Variants in RABGAP1 observed in about 807,000 individuals in gnomAD.
RABGAP1 encodes RAB GTPase activating protein 1.
RABGAP1 carries 23 observed loss-of-function variants against 137.6 expected under a neutral mutation model. The ratio of observed to expected loss-of-function variants is 0.17; its 90% CI spans 0.12 to 0.24. The LOEUF (loss-of-function observed/expected upper bound fraction) is 0.24. Among genes scored for constraint, RABGAP1 ranks in the 10% least tolerant of loss-of-function variants. The pLI is 1.00. For missense variants in RABGAP1, 906 were observed against 1,275.8 expected (o/e 0.71, Z 4.42); for synonymous variants, 451 against 450.7 (o/e 1.00, Z -0.01).
At chr9:122,959,683 C>T (rs1834748077) in intron 2 of RABGAP1, among the ~76,000 whole-genome samples, 1 of 152,216 alleles carries the variant, frequency 6.6e-6, no homozygotes, top group South Asian at 2.1e-4. Context: ...GGTAACTCTT[C>T]TCCATATTGG....
At chr9:123,097,967 CTT>C (rs370364242) in intron 22 of RABGAP1, 122 bp downstream of exon 22, 1 of 747,544 alleles carries the variant, frequency 1.3e-6, no homozygotes, top group South Asian at 2.0e-5. Context: ...TTTCCAAAGA[CTT>C]TTTTTTTCCC....
chr9:123,009,469 A>G (rs1409573815), intron 10 of RABGAP1, among the ~76,000 whole-genome samples: 1 of 152,048 alleles, frequency 6.6e-6, no homozygotes, highest in African/African-American at 2.4e-5. Context: ...ATGTGTGTAT[A>G]TATATATTTT....
intron 13 of RABGAP1, among the ~76,000 whole-genome samples, chr9:123,064,122 A>G (rs1429322265): frequency 6.6e-6 from 1 of 151,942 alleles, no homozygotes; most frequent in Non-Finnish European, 1.5e-5. Context: ...CACTTTCTCA[A>G]CTTTTGAAGA....
In RABGAP1 at chr9:123,089,749, A is replaced by T; in HGVS notation, c.2425-9A>T. 5 of 1,605,012 alleles carry T rather than the reference A, an allele frequency of 3.1e-6. No individual in the cohort carries two copies. The highest frequency in any genetic ancestry group is 4.3e-6 in the Non-Finnish European group (5 of 1,173,300). On this transcript the variant is annotated splice_polypyrimidine_tract_variant and intron_variant, in intron 19 of 25. Transcript: ENST00000373647. ...TACTTCTTAATTTACCCTATGATTT[A>T]TCCTACAGATTAGTCAGAAGAAGTT... is the stretch of plus-strand genomic sequence containing the variant.
chr9:123,040,122 T>C (rs2032880192), intron 13 of RABGAP1, among the ~76,000 whole-genome samples: 1 of 152,130 alleles, frequency 6.6e-6, no homozygotes, highest in Non-Finnish European at 1.5e-5. Flanking sequence ...TAGAACTATA[T>C]AGTCTTTAGG....
At chr9:123,001,269 G>A (rs985783029) in intron 10 of RABGAP1, among the ~76,000 whole-genome samples, 1 of 152,086 alleles carries the variant, frequency 6.6e-6, no homozygotes, top group Non-Finnish European at 1.5e-5. Context: ...TTCTTAATCT[G>A]TCTTATTTGG....
chr9:123,098,309 C>T (rs1020763662), intron 22 of RABGAP1, among the ~76,000 whole-genome samples: 9 of 152,220 alleles, frequency 5.9e-5, no homozygotes, highest in East Asian at 3.8e-4. Flanking sequence ...TGTCACACCA[C>T]GGTCGTCCAG....
chr9:123,094,793 T>G (rs1437150709), intron 21 of RABGAP1, among the ~76,000 whole-genome samples: 1 of 152,204 alleles, frequency 6.6e-6, no homozygotes. Flanking sequence ...AATTGTGAAT[T>G]CTTTTTCTTT....
At position 123,070,346 on chromosome 9, in the gene RABGAP1, C is replaced by G; in HGVS notation, c.1909-4C>G. 1.9e-6 allele frequency: 3 copies of G among 1,613,844 alleles called. No homozygotes were observed. Among genetic ancestry groups the G allele is most frequent in the Non-Finnish European group, 2.5e-6 (3 of 1,179,884 alleles). ...ACATTTCCTCTGTGTGTTTTATTTT[C>G]CAGGCTTATTCTGTGTATGATGAAG... is the stretch of plus-strand genomic sequence containing the variant. On this transcript the variant is annotated splice_polypyrimidine_tract_variant and splice_region_variant and intron_variant, in intron 14 of 25. Transcript: ENST00000373647. This position sits in a 1 kb window ranked among gnomAD's most constrained non-coding sequence, Gnocchi z 4.4.
intron 2 of RABGAP1, among the ~76,000 whole-genome samples, chr9:122,977,509 C>T (rs576044835): frequency 6.6e-6 from 1 of 152,290 alleles, no homozygotes; most frequent in Admixed American, 6.5e-5. Context: ...TGAGACCAGC[C>T]TGGCCAACAT....
intron 13 of RABGAP1, among the ~76,000 whole-genome samples, chr9:123,027,936 T>G (rs1036056110): frequency 5.3e-5 from 8 of 152,224 alleles, no homozygotes; most frequent in African/African-American, 1.9e-4. Context: ...CTCTAAATTA[T>G]TACTTGTGAA....
At chr9:122,951,521 C>T (rs574781091) in intron 1 of RABGAP1, among the ~76,000 whole-genome samples, 1 of 152,070 alleles carries the variant, frequency 6.6e-6, no homozygotes, top group South Asian at 2.1e-4. Context: ...CAGTTCTTTC[C>T]ATTTCACTCT....
At chr9:122,991,739 A>T (rs1836734172) in intron 6 of RABGAP1, among the ~76,000 whole-genome samples, 1 of 151,770 alleles carries the variant, frequency 6.6e-6, no homozygotes, top group African/African-American at 2.4e-5. Flanking sequence ...AGTAGCTGGG[A>T]CCACGGATGC....
At chr9:123,053,876 TCAA>T (rs2033589747) in intron 13 of RABGAP1, among the ~76,000 whole-genome samples, 1 of 152,206 alleles carries the variant, frequency 6.6e-6, no homozygotes, top group African/African-American at 2.4e-5. Flanking sequence ...TTTCTATTTT[TCAA>T]CTTGAGTTTA....
At chr9:122,994,666 A>C (rs1836925173) in intron 6 of RABGAP1, among the ~76,000 whole-genome samples, 1 of 152,206 alleles carries the variant, frequency 6.6e-6, no homozygotes, top group Non-Finnish European at 1.5e-5. Context: ...TACGGTAGCT[A>C]CTAATGGTTC....
chr9:122,965,334 A>G (rs1835082278), intron 2 of RABGAP1, among the ~76,000 whole-genome samples: 1 of 152,154 alleles, frequency 6.6e-6, no homozygotes, highest in African/African-American at 2.4e-5. Context: ...TCTGGTGGGA[A>G]TAGAAAGGTG....
At chr9:123,029,633 T>C (rs2032187913) in intron 13 of RABGAP1, 10 of 725,788 alleles carry the variant, frequency 1.4e-5, no homozygotes, top group South Asian at 1.3e-4. Context: ...AGCTTGTCCC[T>C]AACTTTGCCT....
the RABGAP1 span, among the ~76,000 whole-genome samples, chr9:122,931,681 G>A: frequency 1.3e-5 from 2 of 152,222 alleles, no homozygotes; most frequent in African/African-American, 4.8e-5. Flanking sequence ...GCAGACGGAG[G>A]GCACCGTACT....
rs780398097 is a variant in RABGAP1 at position 123,076,616 on chromosome 9, G to A, written c.2296-18G>A. 1 of 1,581,938 alleles carries A rather than the reference G, an allele frequency of 6.3e-7. No homozygotes were observed. The highest frequency in any genetic ancestry group is 2.3e-5 in the East Asian group (1 of 43,762). On this transcript the variant is annotated intron_variant, in intron 18 of 25. Coordinates refer to ENST00000373647, the MANE Select transcript of RABGAP1 (RefSeq NM_012197.4). ...ATAGCAACACATTTTTTCTATATGTGTTTGTATTTTCTTCAAGACTTCGAA... is the reference window on the plus strand; with the variant it reads ...ATAGCAACACATTTTTTCTATATGTATTTGTATTTTCTTCAAGACTTCGAA...
Sources: allele counts gnomAD v4.1 joint callset (sites outside exome capture counted in the v4.1 genomes callset), GRCh38; gene constraint gnomAD v4.1.1; non-coding constraint Gnocchi (gnomAD v3.1); transcripts MANE v1.5; gene names NCBI Gene and HGNC (gene_info 2026-07-23, HGNC 2026-07-21).